ZCCHC7: variants seen among roughly 807,000 people sequenced by gnomAD.
ZCCHC7 encodes zinc finger CCHC-type containing 7, also known as zinc finger CCHC domain-containing protein 7.
ZCCHC7 carries 35 observed loss-of-function variants against 52.0 expected under a neutral mutation model. The ratio of observed to expected loss-of-function variants is 0.67; its 90% CI spans 0.51 to 0.89. The LOEUF is 0.89. Among genes scored for constraint, ZCCHC7 ranks in the 40% least tolerant of loss-of-function variants. The pLI is 0.00. For synonymous variants in ZCCHC7, 217 were observed against 221.5 expected, an observed-to-expected ratio of 0.98 and a Z score of 0.18; for missense variants, 574 against 649.1, an observed-to-expected ratio of 0.88 and a Z score of 1.26.
At chr9:37,126,987 A>T in intron 2 of ZCCHC7, 45 bp downstream of exon 2, 3 of 1,590,272 alleles carry the variant, frequency 1.9e-6, no homozygotes, top group Non-Finnish European at 1.7e-6. Flanking sequence ...CATCTTTCAT[A>T]AGGAGGACTG....
intron 5 of ZCCHC7, among the ~76,000 whole-genome samples, chr9:37,321,846 C>G (rs180751462): frequency 6.6e-6 from 1 of 152,116 alleles, no homozygotes; most frequent in Non-Finnish European, 1.5e-5. Context: ...TAGTTTAAAA[C>G]TTCTGGTTCC....
intron 6 of ZCCHC7, among the ~76,000 whole-genome samples, chr9:37,341,899 A>G (rs1473700015): frequency 1.3e-5 from 2 of 152,096 alleles, no homozygotes; most frequent in African/African-American, 4.8e-5. Context: ...CTGTGAGGGA[A>G]AGTAGTAGGA....
intron 2 of ZCCHC7, among the ~76,000 whole-genome samples, chr9:37,177,292 G>A (rs1401087130): frequency 1.3e-5 from 2 of 152,104 alleles, no homozygotes; most frequent in African/African-American, 4.8e-5. Flanking sequence ...CTGAGACCAC[G>A]CCAGTGCATT....
intron 2 of ZCCHC7, among the ~76,000 whole-genome samples, chr9:37,216,491 A>G (rs1701032577): frequency 6.6e-6 from 1 of 152,164 alleles, no homozygotes; most frequent in Admixed American, 6.5e-5. Flanking sequence ...CCTGACCAAC[A>G]TGGTGAAACC....
intron 6 of ZCCHC7, among the ~76,000 whole-genome samples, chr9:37,331,133 G>A (rs573795811): frequency 6.6e-6 from 1 of 151,740 alleles, no homozygotes; most frequent in Admixed American, 6.6e-5. Context: ...AAATGTAACT[G>A]TTTTAGAAGA....
chr9:37,204,382 A>G (rs901191553), intron 2 of ZCCHC7, among the ~76,000 whole-genome samples: 8 of 152,194 alleles, frequency 5.3e-5, no homozygotes, highest in Non-Finnish European at 1.0e-4. Context: ...ATCTTTGCCC[A>G]TGCCTATGTC....
intron 2 of ZCCHC7, among the ~76,000 whole-genome samples, chr9:37,255,187 A>G (rs1367609622): frequency 2.0e-5 from 3 of 152,102 alleles, no homozygotes; most frequent in South Asian, 2.1e-4. Flanking sequence ...TAGAACAATT[A>G]TAACAGTATA....
chr9:37,222,328 A>AGTGTGTGTGTGTGTGTGTGT (rs74182938), intron 2 of ZCCHC7, among the ~76,000 whole-genome samples: 1 of 133,008 alleles, frequency 7.5e-6, no homozygotes, highest in Non-Finnish European at 1.6e-5. Context: ...AGAATAACAG[A>AGTGTGTGTGTGTGTGTGTGT]GTGTGTGTGT....
chr9:37,132,005 CTTCCTTTAT>C (rs1259687678), intron 2 of ZCCHC7, among the ~76,000 whole-genome samples: 1 of 152,176 alleles, frequency 6.6e-6, no homozygotes, highest in African/African-American at 2.4e-5. Flanking sequence ...TTTTCCTTTA[CTTCCTTTAT>C]TCTTTCCTAA....
At chr9:37,250,477 T>G (rs1007296840) in intron 2 of ZCCHC7, among the ~76,000 whole-genome samples, 5 of 152,078 alleles carry the variant, frequency 3.3e-5, no homozygotes, top group Admixed American at 3.3e-4. Context: ...AATTTTTGTA[T>G]TTTTAGTAGA....
At chr9:37,131,128 C>T (rs1438376563) in intron 2 of ZCCHC7, among the ~76,000 whole-genome samples, 2 of 149,546 alleles carry the variant, frequency 1.3e-5, no homozygotes, top group African/African-American at 4.9e-5. Context: ...ATCACGAGGT[C>T]GGGAGATCGA....
At chr9:37,246,284 G>A (rs73448483) in intron 2 of ZCCHC7, among the ~76,000 whole-genome samples, 1 of 152,066 alleles carries the variant, frequency 6.6e-6, no homozygotes, top group Admixed American at 6.6e-5. Flanking sequence ...AAAGGAACTG[G>A]ATATATGAAT....
chr9:37,155,128 A>G (rs1206328922), intron 2 of ZCCHC7, among the ~76,000 whole-genome samples: 1 of 152,168 alleles, frequency 6.6e-6, no homozygotes, highest in African/African-American at 2.4e-5. Context: ...TGGGAGGCCA[A>G]GGCGGGCGGA....
At chr9:37,274,447 C>G (rs1316160004) in intron 2 of ZCCHC7, among the ~76,000 whole-genome samples, 1 of 137,712 alleles carries the variant, frequency 7.3e-6, no homozygotes, top group Non-Finnish European at 1.5e-5. Context: ...TTAAGTGATT[C>G]TCCTGCCTCA....
At chr9:37,290,942 GA>G (rs1223164888) in intron 2 of ZCCHC7, among the ~76,000 whole-genome samples, 2 of 152,146 alleles carry the variant, frequency 1.3e-5, no homozygotes, top group African/African-American at 4.8e-5. Context: ...AAAAACAGAA[GA>G]ATGATGAAAT....
chr9:37,270,632 A>G (rs973252076), intron 2 of ZCCHC7, among the ~76,000 whole-genome samples: 31 of 151,734 alleles, frequency 2.0e-4, no homozygotes, highest in Non-Finnish European at 4.1e-4. Context: ...CAGTGAGCCA[A>G]GATCGCGTCA....
chr9:37,250,183 CCA>C (rs1826259939), intron 2 of ZCCHC7, among the ~76,000 whole-genome samples: 1 of 152,234 alleles, frequency 6.6e-6, no homozygotes, highest in African/African-American at 2.4e-5. Flanking sequence ...ATAGTTTTCT[CCA>C]TATATGTGGC....
At chr9:37,240,798 G>A (rs535712264) in intron 2 of ZCCHC7, among the ~76,000 whole-genome samples, 1 of 151,674 alleles carries the variant, frequency 6.6e-6, no homozygotes, top group South Asian at 2.1e-4. Flanking sequence ...TTTTTTTCTA[G>A]CTAAAAGGCC....
chr9:37,138,730 C>A (rs1588363214), intron 2 of ZCCHC7, among the ~76,000 whole-genome samples: 1 of 146,964 alleles, frequency 6.8e-6, no homozygotes, highest in Non-Finnish European at 1.5e-5. Flanking sequence ...AATGGAAAAG[C>A]ATAAAATTAG....
Sources: gnomAD v4.1 joint callset for allele counts (sites outside exome capture counted in the v4.1 genomes callset) on GRCh38, gnomAD v4.1.1 for gene constraint, MANE v1.5 for transcripts, NCBI Gene and HGNC (gene_info 2026-07-23, HGNC 2026-07-21) for gene names.